MAP3K9: variants seen among roughly 807,000 people sequenced by gnomAD.
MAP3K9 encodes the protein mitogen-activated protein kinase kinase kinase 9.
Under a neutral mutation model 95.8 loss-of-function variants are expected in MAP3K9, and 46 were observed. That is an observed-to-expected ratio of 0.48 (90% CI 0.38 to 0.61). The LOEUF is 0.61. Ranked by LOEUF, MAP3K9 falls within the 20% of genes least tolerant of loss-of-function variation. MAP3K9 has a pLI of 0.00. For synonymous variants in MAP3K9, 533 were observed against 593.8 expected (o/e 0.90, Z 1.49); for missense variants, 1,296 against 1,474.3 (o/e 0.88, Z 1.98).
At chr14:70,751,771 T>C (rs2054231604) in intron 3 of MAP3K9, among the ~76,000 whole-genome samples, 1 of 152,154 alleles carries the variant, frequency 6.6e-6, no homozygotes, top group African/African-American at 2.4e-5. Context: ...TGAAACCTTA[T>C]ATATGAAGAC....
chr14:70,768,943 C>T (rs1035739097), intron 2 of MAP3K9, among the ~76,000 whole-genome samples: 1 of 152,216 alleles, frequency 6.6e-6, no homozygotes, highest in African/African-American at 2.4e-5. Flanking sequence ...TTACGTAACT[C>T]AGCTAATTTG....
At chr14:70,795,909 C>A (rs2054859507) in intron 2 of MAP3K9, among the ~76,000 whole-genome samples, 1 of 152,102 alleles carries the variant, frequency 6.6e-6, no homozygotes, top group Non-Finnish European at 1.5e-5. Context: ...GCGCCCACCA[C>A]CACCCCAGGC....
Position 70,732,938 on chromosome 14 carries a change from G to T in MAP3K9, c.2431C>A (p.Pro811Thr). ...TCCTTCTTGAAAAGCTTTCGGGATG[G>T]GGGGCTGGTGCTCCGACGAGGACGG... ...SSRPRRSTSP[P>T]SRKLFKKEEP... Residue 811 changes from proline to threonine, a missense_variant, in exon 11 of 12, where the codon CCA becomes ACA. Physicochemically the swap from Pro to Thr is conservative, Grantham distance 38. This residue lies in a region of MAP3K9 where 433 missense variants were observed against 441.4 expected (regional missense o/e 0.98). Coordinates refer to ENST00000554752, the MANE Select transcript of MAP3K9 (RefSeq NM_001284230.2). The T allele has an allele frequency of 1.9e-6, 3 of 1,614,058 alleles. No individual in the cohort carries two copies. The highest frequency in any genetic ancestry group is 2.5e-6 in the Non-Finnish European group (3 of 1,179,948).
At chr14:70,765,737 AAAAAAAAAAAAAACAAAAAAAAAC>A (rs1489426071) in intron 2 of MAP3K9, among the ~76,000 whole-genome samples, 35 of 260 alleles carry the variant, frequency 0.13, no homozygotes, top group Admixed American at 0.25. Context: ...ACAACAGCTA[AAAAAAAAAAAAAACAAAAAAAAAC>A]AAAAAAAAAA....
At position 70,723,200 on chromosome 14, in the gene MAP3K9, T is replaced by G. The variant is rs1343104963; in HGVS notation, c.*7180A>C. 6.6e-6 allele frequency: 1 copy of G among 152,078 alleles called. No individual in the cohort carries two copies. Among genetic ancestry groups the G allele is most frequent in the African/African-American group, 2.4e-5 (1 of 41,372 alleles). The allele number at this position is 152,078 out of a possible 1,614,324, so 9.4% of individuals were successfully genotyped here. A position where few individuals can be genotyped will look rare whatever the true frequency, so the allele number is the denominator to read the frequency against. ...CCCAGGGAGGAGACACAAGCTACAA[T>G]AAGGCTTCCAAGCTCAAGAGACTGA... On this transcript the variant is annotated 3_prime_UTR_variant, in exon 12 of 12. Transcript: ENST00000554752.
At chr14:70,763,567 G>T (rs903742690) in intron 2 of MAP3K9, among the ~76,000 whole-genome samples, 2 of 150,604 alleles carry the variant, frequency 1.3e-5, no homozygotes, top group Non-Finnish European at 2.9e-5. Flanking sequence ...GTCTCACTCT[G>T]TCATTCAGGC....
At chr14:70,792,189 G>C (rs1453493316) in intron 2 of MAP3K9, among the ~76,000 whole-genome samples, 2 of 152,236 alleles carry the variant, frequency 1.3e-5, no homozygotes, top group African/African-American at 4.8e-5. Context: ...GACACGCCAG[G>C]TGGCTGCTAG....
At chr14:70,748,242 A>T (rs1277682887) in intron 5 of MAP3K9, among the ~76,000 whole-genome samples, 1 of 152,164 alleles carries the variant, frequency 6.6e-6, no homozygotes, top group Non-Finnish European at 1.5e-5. Flanking sequence ...ACCTGTGTGT[A>T]CACTGACTGC....
At position 70,732,956 on chromosome 14, in the gene MAP3K9, G is replaced by A. The variant is rs949120910; in HGVS notation, c.2413C>T (p.Arg805Cys). ...EGLFQRSSRP[R>C]RSTSPPSRKL... ...CGGGATGGGGGGCTGGTGCTCCGACGAGGACGGCTGGACCTCTGAAAAAGA... is the reference window on the plus strand; with the variant it reads ...CGGGATGGGGGGCTGGTGCTCCGACAAGGACGGCTGGACCTCTGAAAAAGA... The change falls in exon 11 of 12, where the codon CGT becomes TGT. Residue 805 changes from arginine (R) to cysteine (C), a missense_variant. Physicochemically the swap from Arg to Cys is radical, Grantham distance 180 (BLOSUM62 -3). This residue lies in a region of MAP3K9 where 433 missense variants were observed against 441.4 expected (regional missense o/e 0.98). Coordinates refer to ENST00000554752, the MANE Select transcript of MAP3K9 (RefSeq NM_001284230.2). 2.0e-5 allele frequency: 33 copies of A among 1,613,996 alleles called. No individual in the cohort carries two copies. The highest frequency in any genetic ancestry group is 5.0e-5 in the Admixed American group (3 of 60,004).
At chr14:70,805,406 G>A (rs1743920666) in intron 1 of MAP3K9, among the ~76,000 whole-genome samples, 1 of 152,020 alleles carries the variant, frequency 6.6e-6, no homozygotes, top group Non-Finnish European at 1.5e-5. Context: ...CATCTCCCAA[G>A]ATAATGAGTT....
rs2053957642 is a variant in MAP3K9 at position 70,734,501 on chromosome 14, G to A, written c.1914-3C>T. On this transcript the variant is annotated splice_region_variant and splice_polypyrimidine_tract_variant and intron_variant, in intron 9 of 11. Transcript: ENST00000554752. ...ATCCATCTACCAGGGACTTGAGGCT[G>A]AATCAGAGGAAAAGAGGAAACTGTC... 6.4e-7 allele frequency: 1 copy of A among 1,550,656 alleles called. No homozygotes were observed. The highest frequency in any genetic ancestry group is 1.7e-5 in the Admixed American group (1 of 58,488).
rs1231313730 is a variant in MAP3K9, at chr14:70,723,905, C to T, written c.*6475G>A. ...AGCCACAGCCAGCATGGCATCTGAA[C>T]TGGAGGTAGAGATAAACGATGAGAA... On this transcript the variant is annotated 3_prime_UTR_variant, in exon 12 of 12. Transcript: ENST00000554752. 2 of 152,180 alleles carry T rather than the reference C, an allele frequency of 1.3e-5. No individual in the cohort carries two copies. Among genetic ancestry groups the T allele is most frequent in the Non-Finnish European group, 2.9e-5 (2 of 68,054 alleles). The allele number at this position is 152,180 out of a possible 1,614,324, so 9.4% of individuals were successfully genotyped here.
At chr14:70,750,160 G>C in intron 3 of MAP3K9, 79 bp from the exon 4 acceptor site, 1 of 1,254,028 alleles carries the variant, frequency 8.0e-7, no homozygotes, top group Non-Finnish European at 1.1e-6. Flanking sequence ...TCTTTTCTGA[G>C]CATCCCACAT....
intron 2 of MAP3K9, among the ~76,000 whole-genome samples, chr14:70,776,179 A>C (rs561903578): frequency 6.6e-6 from 1 of 152,272 alleles, no homozygotes; most frequent in South Asian, 2.1e-4. Flanking sequence ...ACAGAGCGAG[A>C]CTCCGTCTCA....
At chr14:70,795,505 T>C (rs61990519) in intron 2 of MAP3K9, among the ~76,000 whole-genome samples, 34,326 of 149,010 alleles carry the variant, frequency 0.23, 4,181 homozygotes, top group South Asian at 0.38. Flanking sequence ...AGAGATGGGA[T>C]TTTGTTGTGT....
At chr14:70,738,202 C>T (rs775508859) in intron 8 of MAP3K9, 43 bp downstream of exon 8, 33 of 1,560,556 alleles carry the variant, frequency 2.1e-5, no homozygotes, top group Non-Finnish European at 2.8e-5. Flanking sequence ...AATGGTACAT[C>T]CATCTTCAAG....
intron 2 of MAP3K9, among the ~76,000 whole-genome samples, chr14:70,795,372 A>G (rs1427767875): frequency 6.6e-6 from 1 of 151,812 alleles, no homozygotes; most frequent in East Asian, 1.9e-4. Context: ...GCAATGTTAC[A>G]ATCACTGCTC....
intron 1 of MAP3K9, among the ~76,000 whole-genome samples, chr14:70,803,049 C>G (rs1315391386): frequency 6.6e-6 from 1 of 152,018 alleles, no homozygotes; most frequent in East Asian, 1.9e-4. Context: ...CACACAAGAT[C>G]TGGTTGTTTA....
At chr14:70,758,484 T>C (rs754891331) in intron 3 of MAP3K9, among the ~76,000 whole-genome samples, 2 of 152,126 alleles carry the variant, frequency 1.3e-5, no homozygotes, top group African/African-American at 2.4e-5. Context: ...GATGAAAAAG[T>C]TTGGTGGTTC....
Sources: gnomAD v4.1 joint callset for allele counts (sites outside exome capture counted in the v4.1 genomes callset) on GRCh38, gnomAD v4.1.1 for gene constraint, gnomAD v4.1.1 regional missense constraint, MANE v1.5 for transcripts, NCBI Gene and HGNC (gene_info 2026-07-23, HGNC 2026-07-21) for gene names.